Variants in TUBGCP4 observed in about 807,000 individuals in gnomAD.
TUBGCP4 encodes tubulin gamma complex component 4, also known as gamma-tubulin complex component 4.
A neutral mutation model predicts 91.6 loss-of-function variants in TUBGCP4; 54 were observed. That is an observed-to-expected ratio of 0.59 (90% CI 0.47 to 0.74). The LOEUF (loss-of-function observed/expected upper bound fraction) is 0.74. TUBGCP4 is among the 30% of genes least tolerant of loss of function. TUBGCP4 has a pLI of 0.00. For synonymous variants in TUBGCP4, 297 were observed against 302.8 expected (o/e 0.98, Z 0.20); for missense variants, 593 against 800.9 (o/e 0.74, Z 3.13).
chr15:43,401,640 C>A, intron 14 of TUBGCP4, 76 bp from the exon 15 acceptor site: 1 of 1,489,998 alleles, frequency 6.7e-7, no homozygotes, highest in Non-Finnish European at 9.2e-7. Flanking sequence ...ATTTTCATTT[C>A]AATCTGTCAG....
intron 3 of TUBGCP4, 89 bp downstream of exon 3, chr15:43,376,714 A>G: frequency 6.4e-7 from 1 of 1,568,682 alleles, no homozygotes; most frequent in Non-Finnish European, 8.7e-7. Context: ...AAGATCAGGT[A>G]GTTAAGAGTG....
chr15:43,400,678 G>C (rs563696796), intron 14 of TUBGCP4, among the ~76,000 whole-genome samples: 10 of 152,302 alleles, frequency 6.6e-5, no homozygotes, highest in South Asian at 2.1e-4. Flanking sequence ...CACTTTGGGA[G>C]GCTGAGATGG....
In TUBGCP4 at chr15:43,407,725, G is replaced by A. The variant is rs2044958452; in HGVS notation, c.*2511G>A. On this transcript the variant is annotated 3_prime_UTR_variant, in exon 18 of 18. Transcript: ENST00000564079. Reference sequence around the variant, plus strand: ...GCTACTGATCATGACCAAAGGCAGAGTTATAATCACTATGTGCTGACCTTG... The same window carrying A: ...GCTACTGATCATGACCAAAGGCAGAATTATAATCACTATGTGCTGACCTTG... The A allele has an allele frequency of 1.7e-5, 14 of 818,812 alleles. No homozygotes were observed. The highest frequency in any genetic ancestry group is 2.6e-5 in the Non-Finnish European group (14 of 530,012). The allele number at this position is 818,812 out of a possible 1,614,324, so 50.7% of individuals were successfully genotyped here.
rs2045051499 is a variant in TUBGCP4 at position 43,409,759 on chromosome 15, AC to A, written c.*4547del. ...CAAAAATTCTATATTAAAAAAAAAAACCAAGATAATAATTACTGAGTGGTTT... is the reference window on the plus strand; with the variant it reads ...CAAAAATTCTATATTAAAAAAAAAAACAAGATAATAATTACTGAGTGGTTT... On this transcript the variant is annotated 3_prime_UTR_variant, in exon 18 of 18. Transcript: ENST00000564079. 7.7e-6 allele frequency: 9 copies of A among 1,167,838 alleles called. No homozygotes were observed. Among genetic ancestry groups the A allele is most frequent in the East Asian group, 2.6e-5 (1 of 38,672 alleles). The allele number at this position is 1,167,838 out of a possible 1,614,324, so 72.3% of individuals were successfully genotyped here.
chr15:43,377,108 T>C, intron 4 of TUBGCP4, 41 bp downstream of exon 4: 1 of 1,521,044 alleles, frequency 6.6e-7, no homozygotes, highest in South Asian at 1.1e-5. Context: ...AATCTGTTGA[T>C]AGTGTTAGAA....
chr15:43,395,418 T>C, intron 10 of TUBGCP4, 165 bp from the exon 11 acceptor site: 2 of 690,370 alleles, frequency 2.9e-6, no homozygotes, highest in Non-Finnish European at 5.1e-6. Flanking sequence ...GTCATCCTGC[T>C]ATGCGGAACT....
In TUBGCP4 at chr15:43,405,309, T is replaced by G. The variant is rs2044832817; in HGVS notation, c.*95T>G. 1 of 1,439,830 alleles carries G rather than the reference T, an allele frequency of 6.9e-7. No individual in the cohort carries two copies. The allele number at this position is 1,439,830 out of a possible 1,614,324, so 89.2% of individuals were successfully genotyped here. ...CATTCTAGCCACACACAAATAAATA[T>G]CTGCGGCTTAGTGATAGGACTCTAC... On this transcript the variant is annotated 3_prime_UTR_variant, in exon 18 of 18. Coordinates refer to ENST00000564079, the MANE Select transcript of TUBGCP4 (RefSeq NM_014444.5).
intron 6 of TUBGCP4, among the ~76,000 whole-genome samples, chr15:43,382,153 A>G: frequency 6.6e-6 from 1 of 151,954 alleles, no homozygotes; most frequent in East Asian, 1.9e-4. Flanking sequence ...TCGAAACTGC[A>G]GTGAGCCATG....
intron 9 of TUBGCP4, among the ~76,000 whole-genome samples, chr15:43,388,302 T>C (rs1306068194): frequency 6.6e-6 from 1 of 152,252 alleles, no homozygotes; most frequent in Non-Finnish European, 1.5e-5. Flanking sequence ...CACAGTAATC[T>C]ATTATAAATA....
intron 9 of TUBGCP4, among the ~76,000 whole-genome samples, chr15:43,388,312 A>G (rs956066165): frequency 2.6e-5 from 4 of 152,242 alleles, no homozygotes; most frequent in Non-Finnish European, 5.9e-5. Context: ...TATTATAAAT[A>G]TGGTTTCCCT....
At position 43,405,579 on chromosome 15, in the gene TUBGCP4, T is replaced by A; in HGVS notation, c.*365T>A. 4.4e-6 allele frequency: 1 copy of A among 227,112 alleles called. No individual in the cohort carries two copies. Among genetic ancestry groups the A allele is most frequent in the Non-Finnish European group, 8.6e-6 (1 of 115,826 alleles). 14.1% of individuals were successfully genotyped at this position (227,112 alleles called of 1,614,324 possible). A position where few individuals can be genotyped will look rare whatever the true frequency, so the allele number is the denominator to read the frequency against. On this transcript the variant is annotated 3_prime_UTR_variant, in exon 18 of 18. Transcript: ENST00000564079. ...ACAATATAGAGCAGAAAGTTAAATA[T>A]TTTATGGTTCATATGTGAAAAAGTA... is the stretch of plus-strand genomic sequence containing the variant.
At chr15:43,397,527 T>C (rs1471811955) in intron 12 of TUBGCP4, among the ~76,000 whole-genome samples, 1 of 151,226 alleles carries the variant, frequency 6.6e-6, no homozygotes, top group Non-Finnish European at 1.5e-5. Flanking sequence ...TTTGGGGGAG[T>C]TGGTTTTTTT....
At position 43,403,751 on chromosome 15, in the gene TUBGCP4, A is replaced by G; in HGVS notation, c.1800A>G (p.Leu600=). Residue 600 remains leucine (L), a synonymous_variant, in exon 16 of 18, where the codon CTA becomes CTG. Transcript: ENST00000564079. ...TTTGTTCGCTGGTCAGTCAGAACCT[A>G]GGCCCACTGGATGAGCGTGGAGCCG... is the stretch of plus-strand genomic sequence containing the variant. ...HSFCSLVSQN[L]GPLDERGAAQ... The G allele has an allele frequency of 6.2e-7, 1 of 1,613,876 alleles. No homozygotes were observed. The highest frequency in any genetic ancestry group is 8.5e-7 in the Non-Finnish European group (1 of 1,180,002).
chr15:43,396,557 G>A (rs1360982040), intron 11 of TUBGCP4, among the ~76,000 whole-genome samples: 1 of 152,184 alleles, frequency 6.6e-6, no homozygotes, highest in Admixed American at 6.5e-5. Context: ...AGTACTTGTG[G>A]TTGCAAATAT....
At chr15:43,403,988 G>C in intron 16 of TUBGCP4, 189 bp downstream of exon 16, 1 of 591,552 alleles carries the variant, frequency 1.7e-6, no homozygotes, top group Admixed American at 3.0e-5. Context: ...CCACCTCACA[G>C]TGCTCAAAAA....
rs1420222212 is a variant in TUBGCP4 at position 43,404,518 on chromosome 15, AAAT to A, written c.1956_1958del (p.Lys652_Tyr653delinsAsn). ...ACTACTGTTACGACTAGATTATAAC[AAAT>A]ACTATACCCAGGCTGGTGGAACTCT... On this transcript the variant is annotated inframe_deletion, in exon 17 of 18. Coordinates refer to ENST00000564079, the MANE Select transcript of TUBGCP4 (RefSeq NM_014444.5). 1 of 1,614,076 alleles carries A rather than the reference AAAT, an allele frequency of 6.2e-7. No homozygotes were observed. The highest frequency in any genetic ancestry group is 8.5e-7 in the Non-Finnish European group (1 of 1,180,046).
chr15:43,386,327 T>A lies in TUBGCP4; in HGVS notation c.1011T>A (p.Ala337=). 7.3e-7 allele frequency: 1 copy of A among 1,363,918 alleles called. No homozygotes were observed. The highest frequency in any genetic ancestry group is 2.8e-4 in the Middle Eastern group (1 of 3,618). 84.5% of individuals were successfully genotyped at this position (1,363,918 alleles called of 1,614,324 possible). ...TGGATCGCATTCGCAGCACTGTGGC[T>A]GAGGTTTGTGTTTCATCGTATATAT... ...QVVDRIRSTV[A]EHLWKLMVEE... The change falls in exon 9 of 18, where the codon GCT becomes GCA. Residue 337 remains alanine, a synonymous_variant. Transcript: ENST00000564079.
chr15:43,392,517 G>A (rs2142844361), intron 9 of TUBGCP4, among the ~76,000 whole-genome samples: 1 of 152,118 alleles, frequency 6.6e-6, no homozygotes, highest in South Asian at 2.1e-4. Context: ...GTTTTGTTTT[G>A]AGACGGAGTT....
Position 43,398,118 on chromosome 15 carries a change from G to C in TUBGCP4, c.1357G>C (p.Gly453Arg), listed in dbSNP as rs1300470285. The C allele has an allele frequency of 6.2e-7, 1 of 1,613,962 alleles. No individual in the cohort carries two copies. Among genetic ancestry groups the C allele is most frequent in the Non-Finnish European group, 8.5e-7 (1 of 1,179,970 alleles). ...CCCTGCATCTGGCTGGGCAGCCCTA[G>C]GTCTTTCCTACAAAGTACAGTGGCC... is the stretch of plus-strand genomic sequence containing the variant. ...EAPASGWAAL[G>R]LSYKVQWPLH... Residue 453 changes from glycine (G) to arginine (R), a missense_variant, in exon 13 of 18, where the codon GGT becomes CGT. Transcript: ENST00000564079.
Sources: allele counts gnomAD v4.1 joint callset (sites outside exome capture counted in the v4.1 genomes callset), GRCh38; gene constraint gnomAD v4.1.1; transcripts MANE v1.5; gene names NCBI Gene and HGNC (gene_info 2026-07-23, HGNC 2026-07-21).